Variants in GRK5 observed in about 807,000 individuals in gnomAD.
GRK5 encodes the protein G protein-coupled receptor kinase 5.
Under a neutral mutation model 78.4 loss-of-function variants are expected in GRK5, and 40 were observed. The ratio of observed to expected loss-of-function variants is 0.51; its 90% CI spans 0.40 to 0.66. The LOEUF (loss-of-function observed/expected upper bound fraction) is 0.66, where lower values mean the gene tolerates loss of function less well. Among genes scored for constraint, GRK5 ranks in the 30% least tolerant of loss-of-function variants. The pLI, the probability that GRK5 is intolerant of heterozygous loss-of-function variation, is 0.00. For missense variants in GRK5, 598 were observed against 759.9 expected, an observed-to-expected ratio of 0.79 and a Z score of 2.50; for synonymous variants, 289 against 296.8, an observed-to-expected ratio of 0.97 and a Z score of 0.27.
chr10:119,407,618 T>G (rs12220362), intron 4 of GRK5, among the ~76,000 whole-genome samples: 13,702 of 152,340 alleles, frequency 0.09, 856 homozygotes, highest in East Asian at 0.28. Context: ...CGACATGCTT[T>G]ATAGCTTTAG....
intron 13 of GRK5, among the ~76,000 whole-genome samples, chr10:119,448,561 A>G (rs1042985518): frequency 1.3e-5 from 2 of 152,258 alleles, no homozygotes; most frequent in African/African-American, 4.8e-5. Context: ...CAGTGAAACC[A>G]GTAACACTCA....
chr10:119,235,077 G>A (rs1161334853), intron 1 of GRK5, among the ~76,000 whole-genome samples: 1 of 152,106 alleles, frequency 6.6e-6, no homozygotes, highest in East Asian at 1.9e-4. Flanking sequence ...CCAGGCTTGG[G>A]TGATCCTCCC....
In GRK5 at chr10:119,235,639, G is replaced by A. The variant is rs187844611; in HGVS notation, c.52+27670G>A. On this transcript the variant is annotated intron_variant, in intron 1 of 15. Coordinates refer to ENST00000392870, the MANE Select transcript of GRK5 (RefSeq NM_005308.3). ...AAGCATGAATCATTTGAACGTGAAGGTACAGGGACATCTGTTTGAGTAATT... is the reference window on the plus strand; with the variant it reads ...AAGCATGAATCATTTGAACGTGAAGATACAGGGACATCTGTTTGAGTAATT... Among the ~76,000 whole-genome samples, 15 of 152,238 alleles carry A rather than the reference G, an allele frequency of 9.9e-5. No homozygotes were observed. In the East Asian group the frequency reaches 2.9e-3, roughly 29 times the overall value.
Position 119,431,978 on chromosome 10 carries a change from A to C in GRK5, c.738+451A>C, listed in dbSNP as rs937717548. On this transcript the variant is annotated intron_variant, in intron 8 of 15. Coordinates refer to ENST00000392870, the MANE Select transcript of GRK5 (RefSeq NM_005308.3). This position sits in a 1 kb window ranked among gnomAD's most constrained non-coding sequence, Gnocchi z 4.8. The stretch of plus-strand genomic sequence containing the variant: ...GTCAGTCTAGGCTGGGCCCTGCTGC[A>C]GTAACACATTTGCCCCAAACCCTAA... 5.3e-5 allele frequency among the ~76,000 whole-genome samples: 8 copies of C among 152,236 alleles called. No individual in the cohort carries two copies. The highest frequency in any genetic ancestry group is 1.9e-4 in the African/African-American group (8 of 41,456).
At chr10:119,391,920 C>G (rs1037911126) in intron 3 of GRK5, among the ~76,000 whole-genome samples, 1 of 152,228 alleles carries the variant, frequency 6.6e-6, no homozygotes, top group Non-Finnish European at 1.5e-5. Flanking sequence ...CTGACTTCAT[C>G]TTCCTGTTAG....
At chr10:119,436,459 A>C (rs11198922) in intron 8 of GRK5, among the ~76,000 whole-genome samples, 192 bp from the exon 9 acceptor site, 60,542 of 152,206 alleles carry the variant, frequency 0.4, 13,405 homozygotes, top group Non-Finnish European at 0.47. Flanking sequence ...ACTGAAAGGG[A>C]GGAGCAGGTG....
intron 1 of GRK5, among the ~76,000 whole-genome samples, chr10:119,226,608 G>C (rs1379913768): frequency 6.7e-6 from 1 of 149,852 alleles, no homozygotes; most frequent in Non-Finnish European, 1.5e-5. Context: ...ACAGTGGTGC[G>C]ATCTCGGCTC....
At chr10:119,403,005 GCATTT>G (rs1852174781) in intron 4 of GRK5, among the ~76,000 whole-genome samples, 1 of 152,098 alleles carries the variant, frequency 6.6e-6, no homozygotes, top group Admixed American at 6.5e-5. Context: ...TGATTCCAGG[GCATTT>G]TATCACCCCA....
chr10:119,279,517 AG>A (rs1011830557), intron 1 of GRK5, among the ~76,000 whole-genome samples: 51 of 152,192 alleles, frequency 3.4e-4, no homozygotes, highest in African/African-American at 1.1e-3. Flanking sequence ...CGGTGCTACT[AG>A]GGGGGTGGGA....
At chr10:119,421,084 CG>C (rs1459108791) in intron 4 of GRK5, among the ~76,000 whole-genome samples, 12 of 152,210 alleles carry the variant, frequency 7.9e-5, no homozygotes, top group African/African-American at 2.9e-4. Context: ...CTTGCTGACT[CG>C]CACCAGGCTC....
chr10:119,289,010 CT>C (rs1849906476), intron 1 of GRK5, among the ~76,000 whole-genome samples: 1 of 150,984 alleles, frequency 6.6e-6, no homozygotes, highest in Non-Finnish European at 1.5e-5. Flanking sequence ...AAAAACATGC[CT>C]TTTCCCCCTC....
At position 119,305,952 on chromosome 10, in the gene GRK5, C is replaced by T. The variant is rs118032067; in HGVS notation, c.53-20564C>T. ...CTCCCAGTGAGGAAGCAGGTGACGG[C>T]CTGACCACTGTACTTCCGGTATCTC... On this transcript the variant is annotated intron_variant, in intron 1 of 15. Coordinates refer to ENST00000392870, the MANE Select transcript of GRK5 (RefSeq NM_005308.3). 1.6e-4 allele frequency among the ~76,000 whole-genome samples: 25 copies of T among 152,264 alleles called. No individual in the cohort carries two copies. The East Asian group carries it at 4.6e-3, about 28-fold the overall frequency.
At chr10:119,358,183 G>A (rs1039211283) in intron 2 of GRK5, among the ~76,000 whole-genome samples, 3 of 152,196 alleles carry the variant, frequency 2.0e-5, no homozygotes, top group Admixed American at 6.5e-5. Flanking sequence ...TGAGCCACAG[G>A]TAGGTGAGGG....
rs7071131 is a variant in GRK5 at position 119,267,200 on chromosome 10, A to G, written c.52+59231A>G. On this transcript the variant is annotated intron_variant, in intron 1 of 15. Transcript: ENST00000392870. This position sits in a 1 kb window ranked among gnomAD's most constrained non-coding sequence, Gnocchi z 4.1. The stretch of plus-strand genomic sequence containing the variant: ...GGAGGTTGCAGCGAGCCGAGATCAC[A>G]CCATTGCACTCCAGCCTGGGCAACA... Among the ~76,000 whole-genome samples, 71,227 of 151,582 alleles carry G rather than the reference A, an allele frequency of 0.47. 17,015 individuals carry two copies. The highest frequency in any genetic ancestry group is 0.54 in the Admixed American group (8,255 of 15,236).
At chr10:119,216,547 G>A (rs950793151) in intron 1 of GRK5, among the ~76,000 whole-genome samples, 5 of 152,342 alleles carry the variant, frequency 3.3e-5, no homozygotes, top group South Asian at 4.1e-4. Context: ...AGTGGCTCAC[G>A]CCTGTAATCC....
intron 1 of GRK5, among the ~76,000 whole-genome samples, chr10:119,309,108 G>A (rs921138195): frequency 6.6e-6 from 1 of 152,208 alleles, no homozygotes; most frequent in African/African-American, 2.4e-5. Flanking sequence ...GGGCTGGTGC[G>A]TGAGGGACCG....
At chr10:119,309,207 C>G (rs1312247980) in intron 1 of GRK5, among the ~76,000 whole-genome samples, 2 of 152,184 alleles carry the variant, frequency 1.3e-5, no homozygotes, top group East Asian at 3.9e-4. Flanking sequence ...GATTGTGCCT[C>G]CCCTGTGCCC....
chr10:119,380,815 A>G lies in GRK5; in HGVS notation c.149A>G (p.Asp50Gly), dbSNP rs1423435801. 1.9e-6 allele frequency: 3 copies of G among 1,598,752 alleles called. No individual in the cohort carries two copies. The highest frequency in any genetic ancestry group is 1.1e-5 in the South Asian group (1 of 90,692). ...SQCEDLRRTI[D>G]RDYCSLCDKQ... Reference sequence around the variant, plus strand: ...CACATTCTTCTTTTCTTGTCTCCAGACAGAGATTACTGCAGTTTATGTGAC... The same window carrying G: ...CACATTCTTCTTTTCTTGTCTCCAGGCAGAGATTACTGCAGTTTATGTGAC... Residue 50 changes from aspartate (D) to glycine (G), a missense_variant and splice_region_variant, in exon 3 of 16, where the codon GAC (aspartate) becomes GGC (glycine). Physicochemically the swap from Asp to Gly is moderately conservative, Grantham distance 94 (BLOSUM62 -1). Transcript: ENST00000392870.
At chr10:119,313,987 C>T (rs1317168162) in intron 1 of GRK5, among the ~76,000 whole-genome samples, 3 of 152,222 alleles carry the variant, frequency 2.0e-5, no homozygotes, top group Non-Finnish European at 4.4e-5. Flanking sequence ...GGCCGCCCCA[C>T]GCGCCTCACA....
Sources: allele counts gnomAD v4.1 joint callset (sites outside exome capture counted in the v4.1 genomes callset), GRCh38; gene constraint gnomAD v4.1.1; non-coding constraint Gnocchi (gnomAD v3.1); transcripts MANE v1.5; gene names NCBI Gene and HGNC (gene_info 2026-07-23, HGNC 2026-07-21).